SLC12A7: variants seen among roughly 807,000 people sequenced by gnomAD.
The protein encoded by SLC12A7 is solute carrier family 12 member 7.
Under a neutral mutation model 120.6 loss-of-function variants are expected in SLC12A7, and 100 were observed. The ratio of observed to expected loss-of-function variants is 0.83; its 90% CI spans 0.71 to 0.98. The LOEUF (loss-of-function observed/expected upper bound fraction) is 0.98, where lower values mean the gene tolerates loss of function less well. Among genes scored for constraint, SLC12A7 ranks in the 50% least tolerant of loss-of-function variants. The pLI is 0.00. For synonymous variants in SLC12A7, 760 were observed against 678.0 expected, an observed-to-expected ratio of 1.12 and a Z score of -1.88; for missense variants, 1,373 against 1,548.1, an observed-to-expected ratio of 0.89 and a Z score of 1.90.
intron 17 of SLC12A7, among the ~76,000 whole-genome samples, chr5:1,069,920 G>A (rs930233927): frequency 1.3e-5 from 2 of 152,176 alleles, no homozygotes; most frequent in South Asian, 4.1e-4. Flanking sequence ...CACGCCCGGG[G>A]CACTCACCCG....
At chr5:1,077,756 C>G in intron 12 of SLC12A7, 77 bp downstream of exon 12, 3 of 1,406,204 alleles carry the variant, frequency 2.1e-6, no homozygotes, top group Non-Finnish European at 2.8e-6. Context: ...ACACACGGCA[C>G]TGTGAGGATC....
Position 1,085,324 on chromosome 5 carries a change from CTTG to C in SLC12A7, c.822_824del (p.Asn274del). 6.2e-7 allele frequency: 1 copy of C among 1,612,542 alleles called. No individual in the cohort carries two copies. The stretch of plus-strand genomic sequence containing the variant: ...CGCAGGCCAGGAAGACCAGCGCCAG[CTTG>C]TTGACATACTTGACGCCCACGAAGA... On this transcript the variant is annotated inframe_deletion, in exon 7 of 24. Transcript: ENST00000264930.
At chr5:1,122,322 A>G in the SLC12A7 span, among the ~76,000 whole-genome samples, 1 of 152,082 alleles carries the variant, frequency 6.6e-6, no homozygotes, top group Non-Finnish European at 1.5e-5. Flanking sequence ...GAATCCGGGC[A>G]GTGGGGGGAT....
At chr5:1,052,869 G>A (rs559340663) in intron 23 of SLC12A7, among the ~76,000 whole-genome samples, 11 of 152,342 alleles carry the variant, frequency 7.2e-5, no homozygotes, top group African/African-American at 9.6e-5. Context: ...TGTGCCAGGC[G>A]TCACCCTGTC....
the SLC12A7 span, among the ~76,000 whole-genome samples, chr5:1,136,563 G>T: frequency 7.8e-6 from 1 of 127,700 alleles, no homozygotes; most frequent in South Asian, 2.8e-4. Flanking sequence ...CCAACACCAG[G>T]ACACGCAGGC....
At chr5:1,065,509 G>A in intron 17 of SLC12A7, 31 bp from the exon 18 acceptor site, 3 of 1,532,722 alleles carry the variant, frequency 2.0e-6, no homozygotes, top group Non-Finnish European at 2.6e-6. Context: ...TGGTGCTACA[G>A]CAGGAATGGG....
the SLC12A7 span, among the ~76,000 whole-genome samples, chr5:1,149,498 A>G: frequency 6.6e-6 from 1 of 152,054 alleles, no homozygotes; most frequent in South Asian, 2.1e-4. Context: ...AATCACTTGA[A>G]CCCGGGAGGT....
At chr5:1,140,119 G>T in the SLC12A7 span, among the ~76,000 whole-genome samples, 1 of 152,304 alleles carries the variant, frequency 6.6e-6, no homozygotes, top group East Asian at 1.9e-4. Flanking sequence ...CCCCAGAGGC[G>T]CCGTCCTGCC....
At chr5:1,106,368 G>A (rs371965682) in intron 1 of SLC12A7, among the ~76,000 whole-genome samples, 7 of 148,176 alleles carry the variant, frequency 4.7e-5, no homozygotes, top group Non-Finnish European at 5.9e-5. Flanking sequence ...CACGAGAATC[G>A]CTTGAACCTG....
At position 1,069,760 on chromosome 5, in the gene SLC12A7, T is replaced by G. The variant is rs1424451787; in HGVS notation, c.2241+3873A>C. 2.0e-5 allele frequency among the ~76,000 whole-genome samples: 3 copies of G among 152,306 alleles called. No homozygotes were observed. In the East Asian group the frequency reaches 5.8e-4, roughly 29 times the overall value. On this transcript the variant is annotated intron_variant, in intron 17 of 23. Transcript: ENST00000264930. ...GTGACGTGATGGGACCCCACAGGCT[T>G]TCATCGTGTCATCATTCCGTTTCTG...
chr5:1,109,012 G>C (rs527977064), intron 1 of SLC12A7, among the ~76,000 whole-genome samples: 1 of 152,212 alleles, frequency 6.6e-6, no homozygotes, highest in African/African-American at 2.4e-5. Flanking sequence ...AGAAGCTCCC[G>C]GCAAACCTGG....
At chr5:1,080,205 TACCCCCAC>T in intron 9 of SLC12A7, among the ~76,000 whole-genome samples, 1 of 34,360 alleles carries the variant, frequency 2.9e-5, no homozygotes. Context: ...GCAGAGGCTC[TACCCCCAC>T]GCCCTCCACC....
At chr5:1,138,418 C>T in the SLC12A7 span, among the ~76,000 whole-genome samples, 6 of 152,198 alleles carry the variant, frequency 3.9e-5, no homozygotes, top group Non-Finnish European at 7.3e-5. Context: ...CCTTTAGCTA[C>T]ACACAGAGCT....
the SLC12A7 span, among the ~76,000 whole-genome samples, chr5:1,150,262 G>A: frequency 6.6e-6 from 1 of 151,996 alleles, no homozygotes; most frequent in African/African-American, 2.4e-5. Context: ...TTTTTAGTCT[G>A]TGCTTGTAGT....
At chr5:1,085,721 C>T (rs527257368) in intron 6 of SLC12A7, among the ~76,000 whole-genome samples, 90 of 146,480 alleles carry the variant, frequency 6.1e-4, no homozygotes, top group African/African-American at 1.9e-3. Flanking sequence ...ACGGAGCCCG[C>T]GGGGGTCAGC....
chr5:1,076,592 A>G lies in SLC12A7; in HGVS notation c.1748+102T>C, dbSNP rs1181793308. On this transcript the variant is annotated intron_variant, in intron 13 of 23. Transcript: ENST00000264930. ...GGATCCTGACTGCCCACAGCTGGCC[A>G]TGCCTGTCTACTGCTTGTCCTGAGC... The G allele has an allele frequency of 9.6e-6, 8 of 835,144 alleles. No homozygotes were observed. In the East Asian group the frequency reaches 2.1e-4, roughly 22 times the overall value. The allele number at this position is 835,144 out of a possible 1,614,324, so 51.7% of individuals were successfully genotyped here. A position where few individuals can be genotyped will look rare whatever the true frequency, so the allele number is the denominator to read the frequency against.
the SLC12A7 span, among the ~76,000 whole-genome samples, chr5:1,139,213 T>C: frequency 3.3e-5 from 5 of 152,202 alleles, no homozygotes; most frequent in African/African-American, 9.7e-5. Flanking sequence ...AGGGGGAAAG[T>C]GTGAGCCCTT....
At chr5:1,131,801 G>C in the SLC12A7 span, among the ~76,000 whole-genome samples, 3,750 of 152,314 alleles carry the variant, frequency 0.025, 102 homozygotes, top group East Asian at 0.13. Context: ...CTGTGGAAGG[G>C]CTCAGTAAGC....
At chr5:1,056,981 G>A (rs941415173) in intron 22 of SLC12A7, among the ~76,000 whole-genome samples, 11 of 152,222 alleles carry the variant, frequency 7.2e-5, no homozygotes, top group Admixed American at 3.3e-4. Context: ...AAGCCTCCTC[G>A]CCTCCATGGA....
Sources: gnomAD v4.1 joint callset for allele counts (sites outside exome capture counted in the v4.1 genomes callset) on GRCh38, gnomAD v4.1.1 for gene constraint, MANE v1.5 for transcripts, NCBI Gene and HGNC (gene_info 2026-07-23, HGNC 2026-07-21) for gene names.